The following NCR3LG1 variants were observed in gnomAD, a reference collection of about 807,000 sequenced individuals.
NCR3LG1 encodes the protein natural cytotoxicity triggering receptor 3 ligand 1.
A neutral mutation model predicts 34.8 loss-of-function variants in NCR3LG1; 35 were observed. The ratio of observed to expected loss-of-function variants is 1.01; its 90% confidence interval spans 0.77 to 1.33. The LOEUF (loss-of-function observed/expected upper bound fraction) is 1.33, where lower values mean the gene tolerates loss of function less well. NCR3LG1 is among the 40% of genes most tolerant of loss of function. The pLI, the probability that NCR3LG1 is intolerant of heterozygous loss-of-function variation, is 0.00. For synonymous variants in NCR3LG1, 173 were observed against 163.6 expected (o/e 1.06, Z -0.44); for missense variants, 452 against 423.3 (o/e 1.07, Z -0.60).
chr11:17,370,812 C>T (rs929815440), intron 4 of NCR3LG1, among the ~76,000 whole-genome samples: 29 of 152,208 alleles, frequency 1.9e-4, no homozygotes, highest in African/African-American at 6.3e-4. Flanking sequence ...CCTTGCTTTT[C>T]GCAGCTACTA....
intron 3 of NCR3LG1, 100 bp from the exon 4 acceptor site, chr11:17,368,767 A>C: frequency 1.3e-6 from 1 of 780,460 alleles, no homozygotes; most frequent in Non-Finnish European, 2.1e-6. Context: ...ATCTCTGACA[A>C]GGAGGATGAC....
At chr11:17,370,271 G>A (rs1243602084) in intron 4 of NCR3LG1, among the ~76,000 whole-genome samples, 1 of 152,036 alleles carries the variant, frequency 6.6e-6, no homozygotes, top group African/African-American at 2.4e-5. Flanking sequence ...TTCATCTTTG[G>A]GGTCCGCGCT....
At chr11:17,362,773 C>T (rs61043101) in intron 2 of NCR3LG1, among the ~76,000 whole-genome samples, 6 of 112,852 alleles carry the variant, frequency 5.3e-5, no homozygotes, top group Admixed American at 1.0e-4. Flanking sequence ...TCTTTCCTTC[C>T]TTCCTTCTTT....
intron 4 of NCR3LG1, among the ~76,000 whole-genome samples, chr11:17,371,770 A>G (rs1261358304): frequency 6.6e-6 from 1 of 152,214 alleles, no homozygotes; most frequent in Non-Finnish European, 1.5e-5. Context: ...GGTCTAGGAA[A>G]CCAGCAGGGC....
At chr11:17,354,160 T>C (rs1953176569) in intron 1 of NCR3LG1, among the ~76,000 whole-genome samples, 1 of 152,254 alleles carries the variant, frequency 6.6e-6, no homozygotes, top group African/African-American at 2.4e-5. Context: ...TTAACAGTCC[T>C]CCCTAGTTGG....
At position 17,376,502 on chromosome 11, in the gene NCR3LG1, C is replaced by CTG. The variant is rs1953479025; in HGVS notation, c.*3990_*3991insTG. ...CTGGGTCTGTCCTGAGCGGTTTGCTCAGTTCAGTAACACTAAGGAACCTCT... is the reference window on the plus strand; with the variant it reads ...CTGGGTCTGTCCTGAGCGGTTTGCTCTGAGTTCAGTAACACTAAGGAACCTCT... On this transcript the variant is annotated 3_prime_UTR_variant, in exon 5 of 5. Coordinates refer to ENST00000338965, the MANE Select transcript of NCR3LG1 (RefSeq NM_001202439.3). The CTG allele has an allele frequency of 6.6e-6, 1 of 152,194 alleles. No individual in the cohort carries two copies. Among genetic ancestry groups the CTG allele is most frequent in the African/African-American group, 2.4e-5 (1 of 41,444 alleles). The allele number at this position is 152,194 out of a possible 1,614,324, so 9.4% of individuals were successfully genotyped here.
chr11:17,365,642 C>G (rs2133356226), intron 2 of NCR3LG1, among the ~76,000 whole-genome samples: 1 of 152,298 alleles, frequency 6.6e-6, no homozygotes, highest in Middle Eastern at 3.4e-3. Flanking sequence ...TTACTTCTTT[C>G]CATCCCCCAG....
chr11:17,351,870 G>C lies in NCR3LG1; in HGVS notation c.-100G>C, dbSNP rs910190227. The C allele has an allele frequency of 1.1e-5, 10 of 936,814 alleles. No individual in the cohort carries two copies. Among genetic ancestry groups the C allele is most frequent in the Non-Finnish European group, 1.6e-5 (10 of 613,802 alleles). 58.0% of individuals were successfully genotyped at this position (936,814 alleles called of 1,614,324 possible). ...GGCTGGAAATCCCGGCTGTGTCTCC[G>C]TCAACTCTTTACGCAACAGAGGTCT... is the stretch of plus-strand genomic sequence containing the variant. On this transcript the variant is annotated 5_prime_UTR_variant, in exon 1 of 5. Coordinates refer to ENST00000338965, the MANE Select transcript of NCR3LG1 (RefSeq NM_001202439.3).
rs1029344204 is a variant in NCR3LG1 at position 17,375,542 on chromosome 11, A to T, written c.*3030A>T. 1.3e-5 allele frequency: 2 copies of T among 152,278 alleles called. No homozygotes were observed. Among genetic ancestry groups the T allele is most frequent in the Non-Finnish European group, 2.9e-5 (2 of 68,058 alleles). The allele number at this position is 152,278 out of a possible 1,614,324, so 9.4% of individuals were successfully genotyped here. ...ACAGCTAACATTTATACTGACTCCA[A>T]GTGTACCTTTCTAGTTCTCCTTGCC... On this transcript the variant is annotated 3_prime_UTR_variant, in exon 5 of 5. Coordinates refer to ENST00000338965, the MANE Select transcript of NCR3LG1 (RefSeq NM_001202439.3).
In NCR3LG1 at chr11:17,367,146, C is replaced by T; in HGVS notation, c.559C>T (p.Pro187Ser). Reference protein sequence around the residue: ...WEKQTQKFPHPIEISEDVITG... With the variant: ...WEKQTQKFPHSIEISEDVITG... ...GAAGCAGACCCAGAAGTTTCCCCAT[C>T]CCATAGAGATTTCTGAGGATGTCAT... Residue 187 changes from proline to serine, a missense_variant, in exon 3 of 5, where the codon CCC (proline) becomes TCC (serine). Physicochemically the swap from Pro to Ser is moderately conservative, Grantham distance 74. Coordinates refer to ENST00000338965, the MANE Select transcript of NCR3LG1 (RefSeq NM_001202439.3). The T allele has an allele frequency of 6.5e-7, 1 of 1,536,546 alleles. No homozygotes were observed. The highest frequency in any genetic ancestry group is 1.4e-5 in the African/African-American group (1 of 73,150).
intron 2 of NCR3LG1, among the ~76,000 whole-genome samples, chr11:17,358,745 A>T (rs1457957872): frequency 6.6e-6 from 1 of 152,054 alleles, no homozygotes. Flanking sequence ...CCCATTTATG[A>T]CTTTATTCAA....
intron 1 of NCR3LG1, 83 bp downstream of exon 1, chr11:17,352,122 G>C: frequency 2.4e-6 from 2 of 851,008 alleles, no homozygotes; most frequent in Non-Finnish European, 3.4e-6. Flanking sequence ...CATCCCGCCA[G>C]GGGACCTCAA....
In NCR3LG1 at chr11:17,367,325, T is replaced by C. The variant is rs1366050426; in HGVS notation, c.738T>C (p.Thr246=). The change falls in exon 3 of 5, where the codon ACT becomes ACC. Residue 246 remains threonine, a synonymous_variant. Transcript: ENST00000338965. ...HTPLRSNFTL[T]AARHSLSETE... ...CCTTGAGGAGCAACTTTACCCTGAC[T>C]GCTGCTCGGCACAGTCTTTCTGGTA... 3.9e-6 allele frequency: 6 copies of C among 1,534,880 alleles called. No homozygotes were observed. The highest frequency in any genetic ancestry group is 5.2e-6 in the Non-Finnish European group (6 of 1,145,948).
Position 17,372,060 on chromosome 11 carries a change from T to C in NCR3LG1, c.913T>C (p.Trp305Arg). ...YTPLKCILKHWNSFDTQTLKK... is the reference protein window; with the variant it reads ...YTPLKCILKHRNSFDTQTLKK... ...TCCTCTCAAGTGCATTCTGAAACAC[T>C]GGAACTCCTTTGACACTCAGACTCT... Residue 305 changes from tryptophan to arginine, a missense_variant, in exon 5 of 5, where the codon TGG (tryptophan) becomes CGG (arginine). Trp to Arg is a moderately radical substitution (Grantham distance 101, BLOSUM62 -3). Transcript: ENST00000338965. The C allele has an allele frequency of 1.4e-6, 1 of 702,886 alleles. No individual in the cohort carries two copies. Among genetic ancestry groups the C allele is most frequent in the East Asian group, 2.7e-5 (1 of 37,290 alleles). 43.5% of individuals were successfully genotyped at this position (702,886 alleles called of 1,614,324 possible).
chr11:17,365,249 G>C (rs568572239), intron 2 of NCR3LG1, among the ~76,000 whole-genome samples: 1 of 152,254 alleles, frequency 6.6e-6, no homozygotes, highest in Non-Finnish European at 1.5e-5. Context: ...AGGTGCCAGA[G>C]ACTTCAGTTT....
chr11:17,380,734 C>T (rs938464251), downstream of NCR3LG1: 1 of 152,222 alleles, frequency 6.6e-6, no homozygotes, highest in Non-Finnish European at 1.5e-5. Context: ...AAGCTATCCT[C>T]CTGCCTTGGG....
At chr11:17,377,714 A>G (rs1953490259), downstream of NCR3LG1, among the ~76,000 whole-genome samples, 1 of 152,156 alleles carries the variant, frequency 6.6e-6, no homozygotes, top group South Asian at 2.1e-4. Flanking sequence ...ACAGGGCTTT[A>G]TTTCCTTTGT....
chr11:17,357,357 A>G (rs569704924), intron 2 of NCR3LG1, among the ~76,000 whole-genome samples: 86 of 152,230 alleles, frequency 5.6e-4, no homozygotes, highest in South Asian at 1.5e-3. Context: ...CTCTTCTTAT[A>G]AGGATACCAA....
Position 17,372,759 on chromosome 11 carries a change from C to A in NCR3LG1, c.*247C>A. 2.3e-6 allele frequency: 1 copy of A among 444,148 alleles called. No individual in the cohort carries two copies. Among genetic ancestry groups the A allele is most frequent in the Admixed American group, 3.8e-5 (1 of 26,000 alleles). 27.5% of individuals were successfully genotyped at this position (444,148 alleles called of 1,614,324 possible). A position where few individuals can be genotyped will look rare whatever the true frequency, so the allele number is the denominator to read the frequency against. On this transcript the variant is annotated 3_prime_UTR_variant, in exon 5 of 5. Coordinates refer to ENST00000338965, the MANE Select transcript of NCR3LG1 (RefSeq NM_001202439.3). ...AATTCAGAGATGAACAACATGTCTT[C>A]TATAGCCACTCAATAAGGAAAGAAG... is the stretch of plus-strand genomic sequence containing the variant.
Sources: gnomAD v4.1 joint callset for allele counts (sites outside exome capture counted in the v4.1 genomes callset) on GRCh38, gnomAD v4.1.1 for gene constraint, MANE v1.5 for transcripts, NCBI Gene and HGNC (gene_info 2026-07-23, HGNC 2026-07-21) for gene names.